The following LRMDA variants were observed in gnomAD, a reference collection of about 807,000 sequenced individuals.
LRMDA encodes the protein leucine-rich melanocyte differentiation-associated protein.
Under a neutral mutation model 29.8 loss-of-function variants are expected in LRMDA, and 18 were observed. That is an observed-to-expected ratio of 0.60 (90% CI 0.42 to 0.90). The LOEUF is 0.90. Among genes scored for constraint, LRMDA ranks in the 40% least tolerant of loss-of-function variants. The pLI is 0.00. For missense variants in LRMDA, 273 were observed against 273.9 expected (o/e 1.00, Z 0.02); for synonymous variants, 125 against 109.4 (o/e 1.14, Z -0.89).
chr10:76,132,624 G>T (rs1322828679), intron 5 of LRMDA, among the ~76,000 whole-genome samples: 1 of 152,132 alleles, frequency 6.6e-6, no homozygotes, highest in Admixed American at 6.5e-5. Flanking sequence ...AAAGATTTCT[G>T]CAGACTGGGA....
chr10:75,750,970 G>A (rs2132219232), intron 2 of LRMDA, among the ~76,000 whole-genome samples: 1 of 152,356 alleles, frequency 6.6e-6, no homozygotes, highest in South Asian at 2.1e-4. Flanking sequence ...CAGGCGGCTG[G>A]GAGGTGGAGT....
intron 6 of LRMDA, among the ~76,000 whole-genome samples, chr10:76,466,686 C>T (rs946300709): frequency 6.6e-6 from 1 of 152,092 alleles, no homozygotes; most frequent in African/African-American, 2.4e-5. Context: ...GTCCCAGCTA[C>T]TCACAAGGCA....
At chr10:76,402,527 CT>C (rs1051253945) in intron 6 of LRMDA, among the ~76,000 whole-genome samples, 1 of 151,874 alleles carries the variant, frequency 6.6e-6, no homozygotes, top group African/African-American at 2.4e-5. Context: ...AATTTTTAAT[CT>C]TTTTTTGTAG....
At chr10:75,905,315 AT>A (rs150685708) in intron 2 of LRMDA, among the ~76,000 whole-genome samples, 10,337 of 147,540 alleles carry the variant, frequency 0.07, 765 homozygotes, top group East Asian at 0.35. Context: ...ATGGTAACTG[AT>A]TTTTTTTTAA....
chr10:75,939,920 T>G (rs1442790992), intron 2 of LRMDA, among the ~76,000 whole-genome samples: 1 of 152,108 alleles, frequency 6.6e-6, no homozygotes, highest in African/African-American at 2.4e-5. Context: ...TGTGACATGT[T>G]TGTACCAACA....
At chr10:75,503,185 T>G (rs916205707) in intron 2 of LRMDA, among the ~76,000 whole-genome samples, 3 of 134,990 alleles carry the variant, frequency 2.2e-5, no homozygotes, top group African/African-American at 8.6e-5. Flanking sequence ...TGATAGCCTG[T>G]TTTTTTTTTT....
At chr10:76,016,469 C>G (rs1051351249) in intron 2 of LRMDA, among the ~76,000 whole-genome samples, 1 of 151,918 alleles carries the variant, frequency 6.6e-6, no homozygotes, top group Non-Finnish European at 1.5e-5. Flanking sequence ...CTATTTTGGC[C>G]AAGAATTGGG....
chr10:76,059,032 C>T (rs1461360150), intron 5 of LRMDA, among the ~76,000 whole-genome samples: 1 of 152,108 alleles, frequency 6.6e-6, no homozygotes, highest in Non-Finnish European at 1.5e-5. Flanking sequence ...CTGCAGGTCT[C>T]CTTCTTGGAA....
At chr10:75,874,456 C>G (rs570714463) in intron 2 of LRMDA, among the ~76,000 whole-genome samples, 1 of 152,290 alleles carries the variant, frequency 6.6e-6, no homozygotes, top group East Asian at 1.9e-4. Context: ...TACAGAAATA[C>G]TGAGTTACAC....
At chr10:75,894,173 G>A (rs965781094) in intron 2 of LRMDA, among the ~76,000 whole-genome samples, 2 of 151,282 alleles carry the variant, frequency 1.3e-5, no homozygotes, top group Non-Finnish European at 2.9e-5. Context: ...TTTATCCCTC[G>A]TCCCCCTCCC....
At chr10:76,477,765 G>C (rs1294591744) in intron 6 of LRMDA, among the ~76,000 whole-genome samples, 1 of 152,098 alleles carries the variant, frequency 6.6e-6, no homozygotes, top group Non-Finnish European at 1.5e-5. Context: ...ACAACTCTCT[G>C]ATCTTTGACA....
chr10:76,440,492 G>A (rs756366238), intron 6 of LRMDA, among the ~76,000 whole-genome samples: 1 of 152,120 alleles, frequency 6.6e-6, no homozygotes. Flanking sequence ...CAGTAGAACT[G>A]TCTGTAACTA....
chr10:75,880,071 C>A (rs532603866), intron 2 of LRMDA, among the ~76,000 whole-genome samples: 11 of 152,286 alleles, frequency 7.2e-5, no homozygotes, highest in Non-Finnish European at 1.5e-4. Flanking sequence ...TTAAAAAAAT[C>A]ATTGCTGTTT....
At chr10:76,512,716 C>T (rs1843020971) in intron 6 of LRMDA, among the ~76,000 whole-genome samples, 1 of 152,032 alleles carries the variant, frequency 6.6e-6, no homozygotes, top group Non-Finnish European at 1.5e-5. Context: ...AAAATAGTGA[C>T]CCTTAGAATC....
At chr10:76,385,498 A>G (rs1841648772) in intron 6 of LRMDA, among the ~76,000 whole-genome samples, 2 of 152,160 alleles carry the variant, frequency 1.3e-5, no homozygotes, top group South Asian at 2.1e-4. Flanking sequence ...TCTGTCTGTG[A>G]TCTCTGAACT....
At chr10:76,554,248 A>G (rs187198027) in intron 6 of LRMDA, among the ~76,000 whole-genome samples, 30 of 152,298 alleles carry the variant, frequency 2.0e-4, no homozygotes, top group Admixed American at 2.0e-3. Context: ...TATCCTTGGC[A>G]TAATATGGCG....
At chr10:76,434,868 C>A (rs1842229409) in intron 6 of LRMDA, among the ~76,000 whole-genome samples, 2 of 152,184 alleles carry the variant, frequency 1.3e-5, no homozygotes, top group Non-Finnish European at 2.9e-5. Context: ...GTCTGCTTGG[C>A]TTTTGAGTTG....
At chr10:76,209,469 C>T (rs577633464) in intron 5 of LRMDA, among the ~76,000 whole-genome samples, 8 of 152,250 alleles carry the variant, frequency 5.3e-5, no homozygotes, top group East Asian at 1.9e-4. Flanking sequence ...TCTGGATTGA[C>T]GGCATAAGAA....
chr10:76,536,437 C>T (rs1843291926), intron 6 of LRMDA, among the ~76,000 whole-genome samples: 2 of 152,054 alleles, frequency 1.3e-5, no homozygotes, highest in Non-Finnish European at 2.9e-5. Flanking sequence ...ACTGGGGTCT[C>T]CGGGGGTCGA....
Sources: allele counts gnomAD v4.1 joint callset (sites outside exome capture counted in the v4.1 genomes callset), GRCh38; gene constraint gnomAD v4.1.1; transcripts MANE v1.5; gene names NCBI Gene and HGNC (gene_info 2026-07-23, HGNC 2026-07-21).